Variants in STXBP6 observed in about 807,000 individuals in gnomAD.
STXBP6 encodes syntaxin binding protein 6, also known as syntaxin-binding protein 6.
In STXBP6, 21 loss-of-function variants were observed where a neutral mutation model predicts 26.9. That is an observed-to-expected ratio of 0.78 (90% confidence interval 0.55 to 1.12). STXBP6 has a LOEUF of 1.12. Ranked by LOEUF, STXBP6 falls within the 50% of genes most tolerant of loss-of-function variation. The pLI is 0.00. For synonymous variants in STXBP6, 97 were observed against 92.6 expected (o/e 1.05, Z -0.27); for missense variants, 232 against 257.9 (o/e 0.90, Z 0.69).
chr14:24,904,590 T>C (rs916665585), intron 2 of STXBP6, among the ~76,000 whole-genome samples: 1 of 152,114 alleles, frequency 6.6e-6, no homozygotes, highest in African/African-American at 2.4e-5. Flanking sequence ...GTAATATTAA[T>C]TGAGGTCCAT....
intron 1 of STXBP6, among the ~76,000 whole-genome samples, chr14:24,978,979 G>A (rs539649424): frequency 6.6e-6 from 1 of 152,314 alleles, no homozygotes; most frequent in Admixed American, 6.5e-5. Flanking sequence ...AGGAGACCAA[G>A]AGTAGTAGTA....
rs543038107 is a variant in STXBP6 at position 25,048,717 on chromosome 14, C to T, written c.-33+1161G>A. On this transcript the variant is annotated intron_variant, in intron 1 of 5. Transcript: ENST00000323944. ...TAGCAGCCTCTGAGACGAACAGCAGCTCACAGCCTCGGCTGAAGCTCCTCC... is the reference window on the plus strand; with the variant it reads ...TAGCAGCCTCTGAGACGAACAGCAGTTCACAGCCTCGGCTGAAGCTCCTCC... 7.2e-5 allele frequency among the ~76,000 whole-genome samples: 11 copies of T among 152,328 alleles called. No individual in the cohort carries two copies. The East Asian group carries it at 2.1e-3, about 29-fold the overall frequency.
chr14:24,867,501 A>C (rs1242434656), intron 2 of STXBP6, among the ~76,000 whole-genome samples: 1 of 152,218 alleles, frequency 6.6e-6, no homozygotes, highest in Non-Finnish European at 1.5e-5. Context: ...AGACCTGTAC[A>C]TATGTGGAAA....
intron 1 of STXBP6, among the ~76,000 whole-genome samples, chr14:25,041,903 C>G (rs953203780): frequency 1.3e-5 from 2 of 152,190 alleles, no homozygotes; most frequent in Admixed American, 1.3e-4. Flanking sequence ...AGACCCCAAC[C>G]TGACAATCCA....
intron 2 of STXBP6, among the ~76,000 whole-genome samples, chr14:24,939,881 T>C (rs1227749995): frequency 3.9e-5 from 6 of 152,216 alleles, no homozygotes; most frequent in Non-Finnish European, 7.3e-5. Flanking sequence ...TTACAAGTGC[T>C]TGATAGCCAC....
intron 2 of STXBP6, among the ~76,000 whole-genome samples, chr14:24,946,867 A>T (rs1032832916): frequency 6.6e-6 from 1 of 152,184 alleles, no homozygotes; most frequent in Non-Finnish European, 1.5e-5. Context: ...AGGGTATGGG[A>T]TACAGAGTAT....
intron 4 of STXBP6, among the ~76,000 whole-genome samples, chr14:24,825,736 C>G (rs2068262045): frequency 6.6e-6 from 1 of 152,164 alleles, no homozygotes; most frequent in Non-Finnish European, 1.5e-5. Context: ...AGTTCATACT[C>G]TCCTCTCAAT....
At chr14:24,962,300 T>C (rs1424015651) in intron 2 of STXBP6, among the ~76,000 whole-genome samples, 2 of 95,984 alleles carry the variant, frequency 2.1e-5, no homozygotes, top group African/African-American at 7.7e-5. Context: ...TATTTATTTA[T>C]TTATTTATTT....
chr14:25,017,374 A>G (rs1217131717), intron 1 of STXBP6, among the ~76,000 whole-genome samples: 1 of 152,192 alleles, frequency 6.6e-6, no homozygotes, highest in East Asian at 1.9e-4. Context: ...TAGATTTCCT[A>G]TGGAAACTGG....
chr14:24,845,178 A>AT (rs1164370163), intron 4 of STXBP6, among the ~76,000 whole-genome samples: 2 of 151,894 alleles, frequency 1.3e-5, no homozygotes, highest in Non-Finnish European at 2.9e-5. Context: ...GGCCTGGCTA[A>AT]TTTTTTTGTA....
chr14:24,990,623 A>C (rs1216724382), intron 1 of STXBP6, among the ~76,000 whole-genome samples: 1 of 141,836 alleles, frequency 7.1e-6, no homozygotes, highest in Non-Finnish European at 1.5e-5. Context: ...ATGCCATTGC[A>C]CTCCAGCCTG....
intron 2 of STXBP6, among the ~76,000 whole-genome samples, chr14:24,882,310 C>T (rs71408000): frequency 8.0e-6 from 1 of 124,496 alleles, no homozygotes; most frequent in Non-Finnish European, 1.6e-5. Flanking sequence ...ACCCGGGAGG[C>T]GGAGCTTGCA....
At chr14:24,884,007 T>C (rs893810565) in intron 2 of STXBP6, among the ~76,000 whole-genome samples, 2 of 152,218 alleles carry the variant, frequency 1.3e-5, no homozygotes, top group Non-Finnish European at 2.9e-5. Context: ...AAACCCCTCT[T>C]TTATTAAAGG....
intron 5 of STXBP6, chr14:24,817,792 T>C (rs887136234): frequency 2.4e-5 from 7 of 296,526 alleles, no homozygotes; most frequent in African/African-American, 1.3e-4. Flanking sequence ...TGTCTGCATT[T>C]TCAGATAGAT....
At chr14:24,933,235 G>T (rs1373789276) in intron 2 of STXBP6, among the ~76,000 whole-genome samples, 1 of 152,144 alleles carries the variant, frequency 6.6e-6, no homozygotes, top group Non-Finnish European at 1.5e-5. Context: ...CCAACTACTT[G>T]GGAGGCTGAG....
chr14:24,854,477 A>G (rs918442172), intron 4 of STXBP6, among the ~76,000 whole-genome samples: 5 of 152,140 alleles, frequency 3.3e-5, no homozygotes, highest in Non-Finnish European at 7.4e-5. Context: ...CATGCTAGCC[A>G]TGCAAGCTAC....
chr14:24,892,689 C>T (rs1009769819), intron 2 of STXBP6, among the ~76,000 whole-genome samples: 2 of 152,208 alleles, frequency 1.3e-5, no homozygotes, highest in African/African-American at 4.8e-5. Context: ...ATCCCATTGA[C>T]AGCACTGAGT....
intron 2 of STXBP6, among the ~76,000 whole-genome samples, chr14:24,858,288 T>TAAAGCAGGA (rs1291919177): frequency 1.1e-4 from 16 of 152,176 alleles, no homozygotes; most frequent in African/African-American, 3.9e-4. Context: ...GCAGTTTCAT[T>TAAAGCAGGA]GTCGGGGGCC....
intron 1 of STXBP6, among the ~76,000 whole-genome samples, chr14:24,994,195 G>T (rs971666754): frequency 6.6e-6 from 1 of 152,150 alleles, no homozygotes; most frequent in Non-Finnish European, 1.5e-5. Context: ...CTCTAAAAAT[G>T]GGATTGTGGG....
Sources: allele counts gnomAD v4.1 joint callset (sites outside exome capture counted in the v4.1 genomes callset), GRCh38; gene constraint gnomAD v4.1.1; transcripts MANE v1.5; gene names NCBI Gene and HGNC (gene_info 2026-07-23, HGNC 2026-07-21).